Variants in LIFR observed in about 807,000 individuals in gnomAD.
LIFR encodes LIF receptor subunit alpha.
LIFR carries 84 observed loss-of-function variants against 122.2 expected under a neutral mutation model. The observed-to-expected ratio is 0.69, with a 90% CI of 0.58 to 0.82. The LOEUF is 0.82. Among genes scored for constraint, LIFR ranks in the 40% least tolerant of loss-of-function variants. The pLI, the probability that LIFR is intolerant of heterozygous loss-of-function variation, is 0.00. For missense variants in LIFR, 1,294 were observed against 1,311.6 expected (o/e 0.99, Z 0.21); for synonymous variants, 422 against 434.7 (o/e 0.97, Z 0.36).
At position 38,476,209 on chromosome 5, in the gene LIFR, C is replaced by A. The variant is rs1387559161; in HGVS notation, c.*5386G>T. On this transcript the variant is annotated 3_prime_UTR_variant, in exon 20 of 20. Transcript: ENST00000453190. ...ATGTTTTACAAAAATTGTATGAAAA[C>A]CATTATTCAGTGTTCTTTTCTATGA... 3.4e-5 allele frequency: 7 copies of A among 206,676 alleles called. No individual in the cohort carries two copies. The highest frequency in any genetic ancestry group is 1.6e-4 in the African/African-American group (7 of 43,840). The allele number at this position is 206,676 out of a possible 1,614,324, so 12.8% of individuals were successfully genotyped here. A position where few individuals can be genotyped will look rare whatever the true frequency, so the allele number is the denominator to read the frequency against.
chr5:38,598,211 CTTTT>C (rs869193908), upstream of LIFR, among the ~76,000 whole-genome samples: 64 of 62,204 alleles, frequency 1.0e-3, no homozygotes, highest in South Asian at 2.5e-3. Flanking sequence ...TAAGGCACCT[CTTTT>C]TTTTTTTTTT....
chr5:38,521,994 A>G (rs1252365233), intron 5 of LIFR, among the ~76,000 whole-genome samples: 1 of 152,156 alleles, frequency 6.6e-6, no homozygotes, highest in African/African-American at 2.4e-5. Flanking sequence ...ACATGTAGAC[A>G]CTAGCTGTGG....
chr5:38,605,828 C>A (rs182674744), intron 2 of LIFR, among the ~76,000 whole-genome samples: 1 of 152,152 alleles, frequency 6.6e-6, no homozygotes, highest in Non-Finnish European at 1.5e-5. Flanking sequence ...GACCTGGAAT[C>A]CCTCTCCTCG....
In LIFR at chr5:38,485,983, A is replaced by G. The variant is rs754392969; in HGVS notation, c.2336-3T>C. 1.2e-6 allele frequency: 2 copies of G among 1,610,458 alleles called. No homozygotes were observed. The highest frequency in any genetic ancestry group is 1.1e-5 in the South Asian group (1 of 91,020). ...CTTAACTTTTATGTCAGAACGACCT[A>G]TTTTTAAAATGAAGTATGTTAGCAC... On this transcript the variant is annotated splice_polypyrimidine_tract_variant and splice_region_variant and intron_variant, in intron 16 of 19. Coordinates refer to ENST00000453190, the MANE Select transcript of LIFR (RefSeq NM_001127671.2).
intron 1 of LIFR, among the ~76,000 whole-genome samples, chr5:38,584,175 A>G (rs1749676096): frequency 1.3e-5 from 2 of 152,214 alleles, no homozygotes; most frequent in African/African-American, 2.4e-5. Flanking sequence ...TAATAGGACT[A>G]TTATTGAAAA....
chr5:38,490,189 C>G lies in LIFR; in HGVS notation c.2167+1G>C. 7.1e-7 allele frequency: 1 copy of G among 1,413,264 alleles called. No homozygotes were observed. Among genetic ancestry groups the G allele is most frequent in the Non-Finnish European group, 9.9e-7 (1 of 1,006,714 alleles). The allele number at this position is 1,413,264 out of a possible 1,614,324, so 87.5% of individuals were successfully genotyped here. A position where few individuals can be genotyped will look rare whatever the true frequency, so the allele number is the denominator to read the frequency against. On this transcript the variant is annotated splice_donor_variant, in intron 15 of 19. Coordinates refer to ENST00000453190, the MANE Select transcript of LIFR (RefSeq NM_001127671.2). LOFTEE classifies it high-confidence loss of function. ...TATAAATAAGTACCCATTTAACTTA[C>G]CCAATTCTTCTATATATCCAATCAT... is the stretch of plus-strand genomic sequence containing the variant.
intron 1 of LIFR, among the ~76,000 whole-genome samples, chr5:38,582,058 C>T (rs1023051077): frequency 1.4e-5 from 2 of 145,216 alleles, no homozygotes; most frequent in East Asian, 2.0e-4. Flanking sequence ...TTTTTTTTTC[C>T]TTTTTTTTTT....
chr5:38,596,782 A>G (rs1750109191), upstream of LIFR, among the ~76,000 whole-genome samples: 1 of 152,152 alleles, frequency 6.6e-6, no homozygotes, highest in Non-Finnish European at 1.5e-5. Context: ...TCTGGTTCCA[A>G]ATGTTTATAT....
At chr5:38,490,113 C>A in intron 15 of LIFR, 77 bp downstream of exon 15, 2 of 465,026 alleles carry the variant, frequency 4.3e-6, no homozygotes, top group East Asian at 4.1e-5. Flanking sequence ...TTTTAGAATT[C>A]AATCATACCA....
At chr5:38,577,330 T>A (rs565303599) in intron 1 of LIFR, among the ~76,000 whole-genome samples, 1 of 152,192 alleles carries the variant, frequency 6.6e-6, no homozygotes, top group Admixed American at 6.5e-5. Context: ...GACTGACACC[T>A]CTCGCTCTGC....
intron 1 of LIFR, among the ~76,000 whole-genome samples, chr5:38,606,792 CT>C (rs1019325715): frequency 1.6e-4 from 25 of 152,160 alleles, no homozygotes; most frequent in African/African-American, 4.1e-4. Flanking sequence ...AGGACACTTT[CT>C]TTTTTTTCCC....
intron 1 of LIFR, among the ~76,000 whole-genome samples, chr5:38,533,162 C>T (rs1398329138): frequency 6.6e-6 from 1 of 152,198 alleles, no homozygotes; most frequent in African/African-American, 2.4e-5. Flanking sequence ...ATATGTTTTA[C>T]ACATTCTAAA....
chr5:38,581,221 G>GA (rs567000338), intron 1 of LIFR, among the ~76,000 whole-genome samples: 323 of 145,642 alleles, frequency 2.2e-3, no homozygotes, highest in Middle Eastern at 0.01. Flanking sequence ...ATCTTTCTAA[G>GA]AAAAAAAAAA....
rs117668166 is a variant in LIFR at position 38,540,836 on chromosome 5, T to C, written c.-19-10170A>G. Among the ~76,000 whole-genome samples the C allele has an allele frequency of 5.9e-5, 9 of 152,268 alleles. No individual in the cohort carries two copies. In the East Asian group the frequency reaches 1.7e-3, roughly 29 times the overall value. ...TACATTTGCAAGCCAAATATAGTTC[T>C]TAGGGAGCCAGTTAACCTGTCACAA... On this transcript the variant is annotated intron_variant, in intron 1 of 19. Coordinates refer to ENST00000453190, the MANE Select transcript of LIFR (RefSeq NM_001127671.2).
At chr5:38,553,871 T>A (rs1324389561) in intron 1 of LIFR, among the ~76,000 whole-genome samples, 1 of 151,406 alleles carries the variant, frequency 6.6e-6, no homozygotes, top group Non-Finnish European at 1.5e-5. Flanking sequence ...AGACCCCAAT[T>A]TTTTTGTTTT....
rs142305091 is a variant in LIFR, at chr5:38,530,457, G to C, written c.142+49C>G. On this transcript the variant is annotated intron_variant, in intron 2 of 19. Transcript: ENST00000453190. ...AACAAAATTGCTTCGTCATCAAAAT[G>C]GAAATAAAACTGCAATCTGTTCATT... The C allele has an allele frequency of 1.4e-4, 210 of 1,537,082 alleles. 1 individual carries two copies. The African/African-American group carries it at 2.4e-3, about 18-fold the overall frequency.
chr5:38,556,383 G>C lies in LIFR; in HGVS notation c.-69C>G, dbSNP rs1268699177. 6.6e-6 allele frequency: 1 copy of C among 151,870 alleles called. No individual in the cohort carries two copies. Among genetic ancestry groups the C allele is most frequent in the Non-Finnish European group, 1.5e-5 (1 of 68,056 alleles). 9.4% of individuals were successfully genotyped at this position (151,870 alleles called of 1,614,324 possible). On this transcript the variant is annotated 5_prime_UTR_variant, in exon 1 of 20. Coordinates refer to ENST00000453190, the MANE Select transcript of LIFR (RefSeq NM_001127671.2). ...GCCATCCCCTGCCGCCGGCTCTGTA[G>C]CCTCGGCCGCCGCCCCGGGGCTGCC... is the stretch of plus-strand genomic sequence containing the variant.
At chr5:38,533,980 G>C (rs1039211444) in intron 1 of LIFR, among the ~76,000 whole-genome samples, 19 of 152,142 alleles carry the variant, frequency 1.2e-4, no homozygotes, top group Non-Finnish European at 2.6e-4. Context: ...TGGAACACTC[G>C]AGGGAGAAAA....
At chr5:38,552,310 C>T (rs1014258011) in intron 1 of LIFR, among the ~76,000 whole-genome samples, 1 of 152,196 alleles carries the variant, frequency 6.6e-6, no homozygotes, top group African/African-American at 2.4e-5. Context: ...ACATCTATAA[C>T]AATTGCTTGG....
Sources: allele counts gnomAD v4.1 joint callset (sites outside exome capture counted in the v4.1 genomes callset), GRCh38; gene constraint gnomAD v4.1.1; transcripts MANE v1.5; gene names NCBI Gene and HGNC (gene_info 2026-07-23, HGNC 2026-07-21).